CNTNAP2: variants seen among roughly 807,000 people sequenced by gnomAD.
CNTNAP2 encodes contactin associated protein 2.
Under a neutral mutation model 155.2 loss-of-function variants are expected in CNTNAP2, and 98 were observed. The observed-to-expected ratio is 0.63, with a 90% CI of 0.54 to 0.75. The LOEUF (loss-of-function observed/expected upper bound fraction) is 0.75. Among genes scored for constraint, CNTNAP2 ranks in the 30% least tolerant of loss-of-function variants. CNTNAP2 has a pLI of 0.00. For synonymous variants in CNTNAP2, 651 were observed against 631.2 expected, an observed-to-expected ratio of 1.03 and a Z score of -0.47; for missense variants, 1,727 against 1,688.1, an observed-to-expected ratio of 1.02 and a Z score of -0.40.
At chr7:147,392,988 C>T (rs377446729) in intron 9 of CNTNAP2, among the ~76,000 whole-genome samples, 4 of 151,926 alleles carry the variant, frequency 2.6e-5, no homozygotes, top group African/African-American at 7.2e-5. Flanking sequence ...ATATTCATTA[C>T]CTCTCCTGGG....
At chr7:148,107,130 G>A (rs1452749246) in intron 15 of CNTNAP2, among the ~76,000 whole-genome samples, 1 of 152,086 alleles carries the variant, frequency 6.6e-6, no homozygotes, top group African/African-American at 2.4e-5. Flanking sequence ...CATTTTAAAT[G>A]TACCGAAATT....
At chr7:147,430,599 C>T (rs1039306923) in intron 10 of CNTNAP2, among the ~76,000 whole-genome samples, 1 of 152,168 alleles carries the variant, frequency 6.6e-6, no homozygotes, top group African/African-American at 2.4e-5. Flanking sequence ...CCCACCAGTG[C>T]TCTACATGTG....
intron 10 of CNTNAP2, among the ~76,000 whole-genome samples, chr7:147,439,953 C>T (rs1001900247): frequency 2.0e-5 from 3 of 151,926 alleles, no homozygotes; most frequent in African/African-American, 7.2e-5. Flanking sequence ...CCTTCATTTT[C>T]AGTCTACATG....
chr7:148,044,854 T>G (rs1050069004), intron 15 of CNTNAP2, among the ~76,000 whole-genome samples: 1 of 152,144 alleles, frequency 6.6e-6, no homozygotes, highest in Non-Finnish European at 1.5e-5. Context: ...TGGTTTTTGG[T>G]TTTTGGTTTC....
At chr7:148,120,433 ATTG>A (rs1361108771) in intron 16 of CNTNAP2, among the ~76,000 whole-genome samples, 3 of 151,584 alleles carry the variant, frequency 2.0e-5, no homozygotes, top group Non-Finnish European at 4.4e-5. Flanking sequence ...CACCTGGCTA[ATTG>A]TTGTGGTTTT....
chr7:148,190,156 G>A (rs1261034595), intron 18 of CNTNAP2: 1 of 152,248 alleles, frequency 6.6e-6, no homozygotes, highest in Non-Finnish European at 1.5e-5. Context: ...CTAGGTTATA[G>A]AGCCAAGGTG....
chr7:148,110,267 G>A (rs1804318255), intron 15 of CNTNAP2, among the ~76,000 whole-genome samples: 1 of 152,102 alleles, frequency 6.6e-6, no homozygotes, highest in Non-Finnish European at 1.5e-5. Flanking sequence ...TGAGGATTTA[G>A]GAAGGCCAAA....
At chr7:146,575,359 C>T (rs984083094) in intron 1 of CNTNAP2, among the ~76,000 whole-genome samples, 1 of 152,170 alleles carries the variant, frequency 6.6e-6, no homozygotes, top group Non-Finnish European at 1.5e-5. Flanking sequence ...TTGTGATCCA[C>T]CCGCCTCAGC....
chr7:148,166,101 C>G (rs180896018), intron 17 of CNTNAP2, among the ~76,000 whole-genome samples: 2 of 151,974 alleles, frequency 1.3e-5, no homozygotes, highest in African/African-American at 4.8e-5. Flanking sequence ...CAGCCTCCCC[C>G]ACCCCACTCC....
At chr7:147,521,345 T>C (rs1276090221) in intron 11 of CNTNAP2, among the ~76,000 whole-genome samples, 1 of 152,170 alleles carries the variant, frequency 6.6e-6, no homozygotes, top group Admixed American at 6.5e-5. Flanking sequence ...AAGGTTTGGA[T>C]CAATTTAGAA....
At chr7:146,642,368 CTCATT>C (rs1259650177) in intron 1 of CNTNAP2, among the ~76,000 whole-genome samples, 1 of 140,708 alleles carries the variant, frequency 7.1e-6, no homozygotes, top group East Asian at 2.1e-4. Flanking sequence ...TCCATGTGTT[CTCATT>C]CTTCAATTCC....
chr7:146,355,871 T>C lies in CNTNAP2; in HGVS notation c.97+238898T>C, dbSNP rs926420081. Among the ~76,000 whole-genome samples the C allele has an allele frequency of 3.3e-5, 5 of 152,262 alleles. No homozygotes were observed. In the East Asian group the frequency reaches 9.7e-4, roughly 29 times the overall value. The stretch of plus-strand genomic sequence containing the variant: ...TTTTTCCATTCTGTCATTGTTTGTC[T>C]TAAGTACTCTACATTTTGTAAGCAT... On this transcript the variant is annotated intron_variant, in intron 1 of 23. Coordinates refer to ENST00000361727, the MANE Select transcript of CNTNAP2 (RefSeq NM_014141.6).
At chr7:148,267,571 C>T (rs548891598) in intron 21 of CNTNAP2, among the ~76,000 whole-genome samples, 91 of 148,596 alleles carry the variant, frequency 6.1e-4, no homozygotes, top group Middle Eastern at 3.5e-3. Context: ...AGGAGAATTG[C>T]TTGAACCCCG....
chr7:147,592,635 C>G (rs1800759572), intron 12 of CNTNAP2, among the ~76,000 whole-genome samples: 2 of 152,086 alleles, frequency 1.3e-5, no homozygotes, highest in Non-Finnish European at 2.9e-5. Context: ...AAACTGTTTT[C>G]TTTACATTTC....
intron 12 of CNTNAP2, among the ~76,000 whole-genome samples, chr7:147,588,958 T>G (rs1238053858): frequency 6.6e-6 from 1 of 152,140 alleles, no homozygotes; most frequent in Non-Finnish European, 1.5e-5. Context: ...ATTATAAGGG[T>G]ATATGTTGAT....
At chr7:148,269,367 T>C (rs954460580) in intron 21 of CNTNAP2, among the ~76,000 whole-genome samples, 1 of 152,248 alleles carries the variant, frequency 6.6e-6, no homozygotes, top group Non-Finnish European at 1.5e-5. Flanking sequence ...GATGTCCTTA[T>C]CTGAATTTTC....
intron 3 of CNTNAP2, 61 bp from the exon 4 acceptor site, chr7:147,043,846 G>A (rs1799304359): frequency 3.1e-6 from 5 of 1,588,426 alleles, no homozygotes; most frequent in Non-Finnish European, 4.3e-6. Context: ...CTAGTAGACA[G>A]AGGACATGAT....
intron 2 of CNTNAP2, among the ~76,000 whole-genome samples, chr7:146,781,037 G>T (rs1022102264): frequency 6.6e-6 from 1 of 151,960 alleles, no homozygotes; most frequent in African/African-American, 2.4e-5. Flanking sequence ...GACCATCCTG[G>T]CTAACGTGGT....
At chr7:146,221,366 A>G (rs922404056) in intron 1 of CNTNAP2, among the ~76,000 whole-genome samples, 3 of 151,596 alleles carry the variant, frequency 2.0e-5, no homozygotes, top group African/African-American at 7.3e-5. Flanking sequence ...ATACGTTTAA[A>G]TATACTTTTA....
Sources: allele counts gnomAD v4.1 joint callset (sites outside exome capture counted in the v4.1 genomes callset), GRCh38; gene constraint gnomAD v4.1.1; transcripts MANE v1.5; gene names NCBI Gene and HGNC (gene_info 2026-07-23, HGNC 2026-07-21).